The following DOP1B variants were observed in gnomAD, a reference collection of about 807,000 sequenced individuals.
The protein encoded by DOP1B is protein DOP1B.
In DOP1B, 174 loss-of-function variants were observed where a neutral mutation model predicts 233.5. That is an observed-to-expected ratio of 0.75 (90% CI 0.66 to 0.85). The LOEUF (loss-of-function observed/expected upper bound fraction) is 0.85. DOP1B is among the 40% of genes least tolerant of loss of function. DOP1B has a pLI of 0.00. For missense variants in DOP1B, 2,652 were observed against 2,846.6 expected (o/e 0.93, Z 1.56); for synonymous variants, 1,190 against 1,185.6 (o/e 1.00, Z -0.08).
intron 2 of DOP1B, among the ~76,000 whole-genome samples, chr21:36,173,174 A>T (rs2065988488): frequency 6.6e-6 from 1 of 152,188 alleles, no homozygotes; most frequent in Non-Finnish European, 1.5e-5. Flanking sequence ...GATTTAAACA[A>T]TGATATAGGA....
intron 2 of DOP1B, among the ~76,000 whole-genome samples, chr21:36,195,851 A>G (rs1371549763): frequency 6.6e-6 from 1 of 152,262 alleles, no homozygotes; most frequent in Non-Finnish European, 1.5e-5. Context: ...TTACTGGATC[A>G]GAAAGTAGTT....
intron 15 of DOP1B, among the ~76,000 whole-genome samples, chr21:36,234,201 G>C (rs2066800417): frequency 6.6e-6 from 1 of 152,086 alleles, no homozygotes; most frequent in African/African-American, 2.4e-5. Flanking sequence ...TGCTAGAGTT[G>C]AGTCACATTA....
chr21:36,169,539 C>T (rs540669158), intron 2 of DOP1B: 27 of 1,121,168 alleles, frequency 2.4e-5, no homozygotes, highest in East Asian at 4.7e-5. Context: ...TCGATCATCT[C>T]GTCCAGCCCA....
chr21:36,250,089 G>T (rs771948646), intron 21 of DOP1B, among the ~76,000 whole-genome samples: 1 of 152,134 alleles, frequency 6.6e-6, no homozygotes. Context: ...GAGTAATTAC[G>T]ATAAAGGCCG....
At chr21:36,191,743 A>T (rs13051663) in intron 2 of DOP1B, among the ~76,000 whole-genome samples, 5 of 151,098 alleles carry the variant, frequency 3.3e-5, no homozygotes, top group Admixed American at 3.3e-4. Flanking sequence ...CCGAGATCAC[A>T]CCACTGCACT....
At chr21:36,286,664 ACACACACAC>A (rs2067487545) in intron 32 of DOP1B, among the ~76,000 whole-genome samples, 1 of 151,170 alleles carries the variant, frequency 6.6e-6, no homozygotes, top group African/African-American at 2.4e-5. Context: ...ACACACACAC[ACACACACAC>A]AAAACTGACT....
intron 2 of DOP1B, among the ~76,000 whole-genome samples, chr21:36,173,201 C>T (rs2065988692): frequency 6.6e-6 from 1 of 151,952 alleles, no homozygotes. Flanking sequence ...AGCTTAGGGT[C>T]AACATTCTTT....
intron 34 of DOP1B, 51 bp from the exon 35 acceptor site, chr21:36,288,994 T>C (rs1432216319): frequency 6.2e-6 from 10 of 1,600,044 alleles, no homozygotes; most frequent in Non-Finnish European, 8.5e-6. Flanking sequence ...GTGAATGGAC[T>C]ATAACAGATC....
At chr21:36,208,447 G>A (rs921024070) in intron 4 of DOP1B, among the ~76,000 whole-genome samples, 2 of 152,188 alleles carry the variant, frequency 1.3e-5, no homozygotes, top group Non-Finnish European at 2.9e-5. Context: ...GCCCTGCCAC[G>A]CACGACTGCT....
chr21:36,291,521 C>T (rs955500796), intron 35 of DOP1B, among the ~76,000 whole-genome samples: 4 of 152,182 alleles, frequency 2.6e-5, no homozygotes, highest in African/African-American at 7.2e-5. Flanking sequence ...GATTGCACCA[C>T]TGCCCTCCAG....
chr21:36,284,892 CATG>C (rs2067465420), intron 32 of DOP1B, among the ~76,000 whole-genome samples: 1 of 149,424 alleles, frequency 6.7e-6, no homozygotes, highest in Non-Finnish European at 1.5e-5. Context: ...ATTATATTGA[CATG>C]ATTGTAATAA....
At chr21:36,188,364 C>G (rs889297959) in intron 2 of DOP1B, among the ~76,000 whole-genome samples, 1 of 152,204 alleles carries the variant, frequency 6.6e-6, no homozygotes, top group African/African-American at 2.4e-5. Context: ...GCCTGTTTCT[C>G]CAGCTTATCT....
At chr21:36,176,097 C>CGTGTGTGTATGTGTGTGTGT (rs2066023651) in intron 2 of DOP1B, among the ~76,000 whole-genome samples, 1 of 141,744 alleles carries the variant, frequency 7.1e-6, no homozygotes, top group East Asian at 2.1e-4. Context: ...GGTGTGTGTG[C>CGTGTGTGTATGTGTGTGTGT]GTGTGTGTGT....
chr21:36,163,920 T>C (rs1056257772), intron 1 of DOP1B, among the ~76,000 whole-genome samples: 1 of 152,220 alleles, frequency 6.6e-6, no homozygotes, highest in Non-Finnish European at 1.5e-5. Context: ...TCCAACATCA[T>C]GCCTTTGTTC....
chr21:36,189,834 C>T lies in DOP1B; in HGVS notation c.139-9236C>T. ...GACCAGCCTGACCAGTATGGTGAAA[C>T]CCTGTCTCTACTAAAAAATACAAAA... On this transcript the variant is annotated intron_variant, in intron 2 of 36. Coordinates refer to ENST00000691173, the MANE Select transcript of DOP1B (RefSeq NM_001320714.2). 1.3e-5 allele frequency among the ~76,000 whole-genome samples: 2 copies of T among 151,150 alleles called. 1 individual carries two copies. Among genetic ancestry groups the T allele is most frequent in the East Asian group, 3.9e-4 (2 of 5,146 alleles).
rs1416727997 is a variant in DOP1B, at chr21:36,293,713, T to C, written c.*142T>C. Reference sequence around the variant, plus strand: ...AAAGTAGATTTCAGGCTAGGTGCGGTGGCTCACACCTGTAATCTCAGCACT... The same window carrying C: ...AAAGTAGATTTCAGGCTAGGTGCGGCGGCTCACACCTGTAATCTCAGCACT... On this transcript the variant is annotated 3_prime_UTR_variant, in exon 37 of 37. Transcript: ENST00000691173. 1 of 953,038 alleles carries C rather than the reference T, an allele frequency of 1.0e-6. No individual in the cohort carries two copies. The highest frequency in any genetic ancestry group is 1.6e-6 in the Non-Finnish European group (1 of 639,880). The allele number at this position is 953,038 out of a possible 1,614,324, so 59.0% of individuals were successfully genotyped here.
intron 32 of DOP1B, among the ~76,000 whole-genome samples, chr21:36,284,412 A>G (rs1006946693): frequency 2.0e-5 from 3 of 151,884 alleles, no homozygotes; most frequent in Non-Finnish European, 4.4e-5. Flanking sequence ...CTGAGATTAC[A>G]GGCACACAAC....
chr21:36,216,801 G>A (rs1389775280), intron 9 of DOP1B, among the ~76,000 whole-genome samples: 1 of 151,782 alleles, frequency 6.6e-6, no homozygotes, highest in African/African-American at 2.4e-5. Context: ...GGCTGGCCGG[G>A]TGTGGTGGCT....
In DOP1B at chr21:36,230,814, G is replaced by T; in HGVS notation, c.2030G>T (p.Ser677Ile). 1 of 1,614,142 alleles carries T rather than the reference G, an allele frequency of 6.2e-7. No homozygotes were observed. The highest frequency in any genetic ancestry group is 8.5e-7 in the Non-Finnish European group (1 of 1,180,006). Residue 677 changes from serine to isoleucine, a missense_variant, in exon 14 of 37, where the codon AGC becomes ATC. Around this residue, in one of 3 missense-constraint regions of DOP1B, gnomAD observed 2,617 missense variants for 2,794.3 expected, o/e 0.94. Coordinates refer to ENST00000691173, the MANE Select transcript of DOP1B (RefSeq NM_001320714.2). ...CAGAGCCTGGCAGCCAATGATTCCAGCAGGAAGAACTCTTGGGAGCCCAAG... is the reference window on the plus strand; with the variant it reads ...CAGAGCCTGGCAGCCAATGATTCCATCAGGAAGAACTCTTGGGAGCCCAAG... The part of the protein sequence containing the change: ...GTQSLAANDS[S>I]RKNSWEPKPI...
Sources: allele counts gnomAD v4.1 joint callset (sites outside exome capture counted in the v4.1 genomes callset), GRCh38; gene constraint gnomAD v4.1.1; regional missense constraint gnomAD v4.1.1; transcripts MANE v1.5; gene names NCBI Gene and HGNC (gene_info 2026-07-23, HGNC 2026-07-21).